The following TMEM120B variants were observed in gnomAD, a reference collection of about 807,000 sequenced individuals.
TMEM120B encodes the protein transmembrane protein 120B.
A neutral mutation model predicts 55.5 loss-of-function variants in TMEM120B; 31 were observed. The observed-to-expected ratio is 0.56, with a 90% confidence interval of 0.42 to 0.75. TMEM120B has a LOEUF of 0.75. TMEM120B is among the 30% of genes least tolerant of loss of function. The pLI is 0.00. For missense variants in TMEM120B, 399 were observed against 425.5 expected, an observed-to-expected ratio of 0.94 and a Z score of 0.55; for synonymous variants, 203 against 176.3, an observed-to-expected ratio of 1.15 and a Z score of -1.20.
At chr12:121,762,723 A>G (rs1873720355) in intron 6 of TMEM120B, among the ~76,000 whole-genome samples, 1 of 152,026 alleles carries the variant, frequency 6.6e-6, no homozygotes, top group Non-Finnish European at 1.5e-5. Context: ...CTACGGGGAG[A>G]TAGAGGGGAG....
chr12:121,719,919 C>T (rs1398539298), intron 1 of TMEM120B, among the ~76,000 whole-genome samples: 5 of 152,102 alleles, frequency 3.3e-5, no homozygotes, highest in Non-Finnish European at 5.9e-5. Context: ...CAGCTGGTCT[C>T]GAACTCCTGA....
At chr12:121,740,792 A>G (rs1872913168) in intron 1 of TMEM120B, among the ~76,000 whole-genome samples, 1 of 152,174 alleles carries the variant, frequency 6.6e-6, no homozygotes, top group Non-Finnish European at 1.5e-5. Context: ...TTCTTACTAT[A>G]TACACACTGT....
In TMEM120B at chr12:121,781,109, TG is replaced by T; in HGVS notation, c.*5390del. 6.2e-7 allele frequency: 1 copy of T among 1,614,028 alleles called. No homozygotes were observed. The highest frequency in any genetic ancestry group is 8.5e-7 in the Non-Finnish European group (1 of 1,179,988). On this transcript the variant is annotated 3_prime_UTR_variant, in exon 12 of 12. Transcript: ENST00000449592. Reference sequence around the variant, plus strand: ...TTGATGAGGACGTTGTCGTAGCTGGTGGGATTCATGACGTCATAGCAGATGA... The same window carrying T: ...TTGATGAGGACGTTGTCGTAGCTGGTGGATTCATGACGTCATAGCAGATGA...
In TMEM120B at chr12:121,775,534, G is replaced by C; in HGVS notation, c.907-75G>C. 6.5e-7 allele frequency: 1 copy of C among 1,535,652 alleles called. No individual in the cohort carries two copies. Among genetic ancestry groups the C allele is most frequent in the Admixed American group, 2.0e-5 (1 of 49,382 alleles). Reference sequence around the variant, plus strand: ...GGAGTTTGGGGGCAGCTGTGCTGGAGATTCTGGGGTGCTGGGGGCAGGGGT... The same window carrying C: ...GGAGTTTGGGGGCAGCTGTGCTGGACATTCTGGGGTGCTGGGGGCAGGGGT... On this transcript the variant is annotated intron_variant, in intron 11 of 11. Transcript: ENST00000449592. This position sits in a 1 kb window ranked among gnomAD's most constrained non-coding sequence, Gnocchi z 4.3.
rs1178313221 is a variant in TMEM120B, at chr12:121,771,129, G to A, written c.617+157G>A. ...CCTGCAGCTGCGCCGGGCTGCGCGG[G>A]CCCCACCCAGCCCGTGAGGGGTTCT... On this transcript the variant is annotated intron_variant, in intron 7 of 11. Coordinates refer to ENST00000449592, the MANE Select transcript of TMEM120B (RefSeq NM_001080825.2). 5.3e-5 allele frequency among the ~76,000 whole-genome samples: 8 copies of A among 152,154 alleles called. No homozygotes were observed. The East Asian group carries it at 9.6e-4, about 18-fold the overall frequency.
chr12:121,748,822 G>A (rs1366761553), intron 3 of TMEM120B, among the ~76,000 whole-genome samples: 2 of 152,330 alleles, frequency 1.3e-5, no homozygotes, highest in Non-Finnish European at 2.9e-5. Context: ...CAATCTGTGC[G>A]TCAGACCAAG....
At chr12:121,749,552 C>T (rs1873208839) in intron 3 of TMEM120B, among the ~76,000 whole-genome samples, 1 of 152,132 alleles carries the variant, frequency 6.6e-6, no homozygotes, top group Admixed American at 6.6e-5. Flanking sequence ...CTGGTGTGTA[C>T]CCATAATCCC....
At chr12:121,755,337 T>C (rs1873447293) in intron 5 of TMEM120B, among the ~76,000 whole-genome samples, 1 of 152,172 alleles carries the variant, frequency 6.6e-6, no homozygotes, top group Admixed American at 6.5e-5. Flanking sequence ...CTCCTCACCT[T>C]TTCCACAGGC....
At chr12:121,744,172 C>G (rs1025389976) in intron 2 of TMEM120B, among the ~76,000 whole-genome samples, 2 of 151,972 alleles carry the variant, frequency 1.3e-5, no homozygotes, top group African/African-American at 4.8e-5. Flanking sequence ...GATTCTCCTG[C>G]CTCAGCCTCC....
intron 9 of TMEM120B, 119 bp from the exon 10 acceptor site, chr12:121,774,539 T>A (rs1211557120): frequency 2.2e-6 from 2 of 915,288 alleles, no homozygotes; most frequent in Non-Finnish European, 3.4e-6. Context: ...ACCCCCCGCA[T>A]GTGTGACTGT....
chr12:121,771,666 G>A (rs1047162583), intron 8 of TMEM120B, 117 bp downstream of exon 8: 22 of 1,047,738 alleles, frequency 2.1e-5, no homozygotes, highest in Non-Finnish European at 2.5e-5. Context: ...AGACCAGACT[G>A]GGGGAGAGGG....
chr12:121,742,867 G>A (rs1872974753), intron 1 of TMEM120B, among the ~76,000 whole-genome samples: 1 of 152,194 alleles, frequency 6.6e-6, no homozygotes, highest in South Asian at 2.1e-4. Context: ...GAGCCAGCGC[G>A]TCCGGCCAGC....
chr12:121,723,105 C>T (rs900769779), intron 1 of TMEM120B, among the ~76,000 whole-genome samples: 14 of 152,002 alleles, frequency 9.2e-5, no homozygotes, highest in Admixed American at 8.6e-4. Context: ...GCCTCGCCTC[C>T]CAAAGTGCTG....
At chr12:121,713,972 A>G (rs1196136179) in intron 1 of TMEM120B, among the ~76,000 whole-genome samples, 2 of 152,060 alleles carry the variant, frequency 1.3e-5, no homozygotes, top group African/African-American at 4.8e-5. Flanking sequence ...TTGGCCTCCT[A>G]CAGTGTGCAG....
Position 121,781,084 on chromosome 12 carries a change from T to C in TMEM120B, c.*5362T>C, listed in dbSNP as rs1874437452. 2 of 1,614,136 alleles carry C rather than the reference T, an allele frequency of 1.2e-6. No individual in the cohort carries two copies. Among genetic ancestry groups the C allele is most frequent in the Non-Finnish European group, 8.5e-7 (1 of 1,179,960 alleles). On this transcript the variant is annotated 3_prime_UTR_variant, in exon 12 of 12. Transcript: ENST00000449592. ...CACCACCCAGGAGGCCGGCCTCACC[T>C]TGATGAGGACGTTGTCGTAGCTGGT...
Position 121,752,212 on chromosome 12 carries a change from C to G in TMEM120B, c.450C>G (p.Val150=). The G allele has an allele frequency of 6.2e-7, 1 of 1,613,740 alleles. No individual in the cohort carries two copies. Among genetic ancestry groups the G allele is most frequent in the Non-Finnish European group, 8.5e-7 (1 of 1,179,886 alleles). The part of the protein sequence containing the change: ...LLLGAVACRF[V]LHYRVTDEVF... ...TGGGTGCCGTGGCATGTCGATTTGT[C>G]CTTCACTACAGGTAGTGGGTGTGGC... Residue 150 remains valine (V), a synonymous_variant, in exon 5 of 12, where the codon GTC becomes GTG. Transcript: ENST00000449592.
chr12:121,757,140 T>TG (rs34691916), intron 5 of TMEM120B, among the ~76,000 whole-genome samples: 3,458 of 131,016 alleles, frequency 0.026, 121 homozygotes, highest in East Asian at 0.074. Flanking sequence ...CCCTGGGCGG[T>TG]GGGGGGGGGG....
Position 121,712,934 on chromosome 12 carries a change from C to G in TMEM120B, c.39C>G (p.His13Gln). 6.5e-7 allele frequency: 1 copy of G among 1,536,936 alleles called. No homozygotes were observed. The highest frequency in any genetic ancestry group is 8.7e-7 in the Non-Finnish European group (1 of 1,149,088). Residue 13 changes from histidine (H) to glutamine (Q), a missense_variant, in exon 1 of 12, where the codon CAC (histidine) becomes CAG (glutamine). His to Gln is a conservative substitution (Grantham distance 24). Around this residue, in one of 3 missense-constraint regions of TMEM120B, gnomAD observed 133 missense variants for 104.1 expected, o/e 1.28. Transcript: ENST00000449592. ...TGGAGCGTTGCGAGCGCGAATGGCACGAGCTGGAGGGAGAATTTCAAGAAC... is the reference window on the plus strand; with the variant it reads ...TGGAGCGTTGCGAGCGCGAATGGCAGGAGCTGGAGGGAGAATTTCAAGAAC... ...GQLERCEREW[H>Q]ELEGEFQELQ...
rs759701196 is a variant in TMEM120B, at chr12:121,748,343, G to C, written c.206G>C (p.Ser69Thr). ...GTCCGCAGGTGCAAACGCCATGCCA[G>C]TCGGGAGGAGGCGGAGCTCGTTCAG... ...LTLQRCKRHA[S>T]REEAELVQQM... Residue 69 changes from serine (S) to threonine (T), a missense_variant, in exon 3 of 12, where the codon AGT becomes ACT. By Grantham distance (58) the Ser-to-Thr change is moderately conservative. Coordinates refer to ENST00000449592, the MANE Select transcript of TMEM120B (RefSeq NM_001080825.2). The C allele has an allele frequency of 5.0e-6, 8 of 1,610,750 alleles. No homozygotes were observed. The highest frequency in any genetic ancestry group is 6.8e-6 in the Non-Finnish European group (8 of 1,178,454).
Sources: allele counts gnomAD v4.1 joint callset (sites outside exome capture counted in the v4.1 genomes callset), GRCh38; gene constraint gnomAD v4.1.1; regional missense constraint gnomAD v4.1.1; non-coding constraint Gnocchi (gnomAD v3.1); transcripts MANE v1.5; gene names NCBI Gene and HGNC (gene_info 2026-07-23, HGNC 2026-07-21).